GRIK2: variants seen among roughly 807,000 people sequenced by gnomAD.
The protein encoded by GRIK2 is glutamate receptor ionotropic, kainate 2.
GRIK2 carries 32 observed loss-of-function variants against 100.3 expected under a neutral mutation model. The observed-to-expected ratio is 0.32, with a 90% confidence interval of 0.24 to 0.43. The LOEUF is 0.43. Ranked by LOEUF, GRIK2 falls within the 20% of genes least tolerant of loss-of-function variation. The pLI is 1.00. For missense variants in GRIK2, 843 were observed against 1,114.9 expected (o/e 0.76, Z 3.47); for synonymous variants, 417 against 389.4 (o/e 1.07, Z -0.83).
At position 101,764,233 on chromosome 6, in the gene GRIK2, T is replaced by G. The variant is rs546416918; in HGVS notation, c.952-35415T>G. Among the ~76,000 whole-genome samples the G allele has an allele frequency of 4.6e-5, 7 of 152,222 alleles. No homozygotes were observed. The East Asian group carries it at 1.4e-3, about 29-fold the overall frequency. ...TCTCATAAATTTATGATTTCCAAAT[T>G]TATAACCCAGGTCCATACCTCTCCT... On this transcript the variant is annotated intron_variant, in intron 7 of 16. Transcript: ENST00000369134.
At chr6:101,670,902 T>A (rs895083492) in intron 4 of GRIK2, among the ~76,000 whole-genome samples, 1 of 152,142 alleles carries the variant, frequency 6.6e-6, no homozygotes, top group Non-Finnish European at 1.5e-5. Flanking sequence ...GAAAAATATA[T>A]CAAAGCTGAG....
At chr6:101,769,556 G>T (rs950504127) in intron 7 of GRIK2, among the ~76,000 whole-genome samples, 1 of 152,108 alleles carries the variant, frequency 6.6e-6, no homozygotes, top group Admixed American at 6.6e-5. Context: ...TGCTTTATAG[G>T]AGTCTCTTCT....
chr6:101,834,924 G>C (rs920169445), intron 10 of GRIK2, among the ~76,000 whole-genome samples: 2 of 152,102 alleles, frequency 1.3e-5, no homozygotes, highest in Non-Finnish European at 2.9e-5. Context: ...AGTACTACCT[G>C]AGCTTGGGAG....
chr6:102,049,502 A>G (rs1253835753), intron 15 of GRIK2, among the ~76,000 whole-genome samples: 1 of 152,202 alleles, frequency 6.6e-6, no homozygotes, highest in East Asian at 1.9e-4. Context: ...AAACATTAGA[A>G]ACAAGTTTTA....
At chr6:101,927,354 T>G (rs889732376) in intron 13 of GRIK2, 15 of 649,866 alleles carry the variant, frequency 2.3e-5, no homozygotes, top group Middle Eastern at 8.0e-4. Context: ...CGTCTTTGCT[T>G]CATTCCATTT....
chr6:101,685,131 G>T (rs1771584199), intron 6 of GRIK2, among the ~76,000 whole-genome samples: 1 of 152,096 alleles, frequency 6.6e-6, no homozygotes, highest in South Asian at 2.1e-4. Flanking sequence ...TCTTGCTTCT[G>T]ACTTCTTTTG....
chr6:101,656,286 A>G (rs1769162113), intron 4 of GRIK2, among the ~76,000 whole-genome samples: 1 of 150,844 alleles, frequency 6.6e-6, no homozygotes, highest in South Asian at 2.1e-4. Context: ...CTGGGTAACA[A>G]GAGAGAGACT....
intron 9 of GRIK2, among the ~76,000 whole-genome samples, chr6:101,804,141 G>C (rs1780838246): frequency 6.6e-6 from 1 of 151,810 alleles, no homozygotes; most frequent in African/African-American, 2.4e-5. Context: ...AATTAATCAA[G>C]AGTCATAGTC....
chr6:101,795,227 C>T (rs937432955), intron 7 of GRIK2, among the ~76,000 whole-genome samples: 17 of 152,186 alleles, frequency 1.1e-4, no homozygotes, highest in African/African-American at 3.9e-4. Flanking sequence ...ATGGATTTAT[C>T]TATGGTATTG....
chr6:101,889,591 C>A, intron 11 of GRIK2, 49 bp from the exon 12 acceptor site: 1 of 1,027,322 alleles, frequency 9.7e-7, no homozygotes, highest in South Asian at 1.5e-5. Context: ...AATTTTTTCT[C>A]TCTTTCTTTC....
chr6:101,831,771 T>G (rs532262518), intron 10 of GRIK2, among the ~76,000 whole-genome samples: 1 of 152,158 alleles, frequency 6.6e-6, no homozygotes, highest in Non-Finnish European at 1.5e-5. Flanking sequence ...GTATGAGTTA[T>G]TGATATGCAA....
chr6:101,761,818 TTTC>T (rs903111457), intron 7 of GRIK2, among the ~76,000 whole-genome samples: 19 of 135,834 alleles, frequency 1.4e-4, no homozygotes, highest in Non-Finnish European at 2.7e-4. Context: ...CCTTCCTTCT[TTTC>T]TTTTCTTCCT....
intron 16 of GRIK2, chr6:102,064,168 G>T: frequency 3.5e-6 from 2 of 570,410 alleles, no homozygotes; most frequent in South Asian, 4.5e-5. Context: ...CAGTGCGTGG[G>T]TTTCCACCCC....
intron 14 of GRIK2, among the ~76,000 whole-genome samples, chr6:102,007,618 T>G (rs998453689): frequency 6.6e-6 from 1 of 152,116 alleles, no homozygotes; most frequent in African/African-American, 2.4e-5. Flanking sequence ...AGAATTGAAT[T>G]GCATTGAAAC....
chr6:101,462,190 T>C lies in GRIK2; in HGVS notation c.115+62798T>C, dbSNP rs1047364013. Among the ~76,000 whole-genome samples the C allele has an allele frequency of 2.0e-5, 3 of 152,230 alleles. No individual in the cohort carries two copies. In the East Asian group the frequency reaches 5.8e-4, roughly 29 times the overall value. ...AACACTGTATAAGAGTTATATATGA[T>C]TATGGTAGAACTATACATTGCTACT... On this transcript the variant is annotated intron_variant, in intron 2 of 16. Transcript: ENST00000369134.
intron 2 of GRIK2, among the ~76,000 whole-genome samples, chr6:101,536,222 C>G (rs765400046): frequency 6.6e-6 from 1 of 151,726 alleles, no homozygotes; most frequent in Non-Finnish European, 1.5e-5. Context: ...ATTGCTTCAA[C>G]ATACTCTATT....
chr6:101,546,063 G>A (rs138554917), intron 2 of GRIK2, among the ~76,000 whole-genome samples: 10 of 151,866 alleles, frequency 6.6e-5, no homozygotes, highest in Admixed American at 5.9e-4. Flanking sequence ...TTACTTAAAT[G>A]TATTGCATGA....
At chr6:101,528,966 T>C (rs1466872548) in intron 2 of GRIK2, among the ~76,000 whole-genome samples, 1 of 150,394 alleles carries the variant, frequency 6.6e-6, no homozygotes, top group Non-Finnish European at 1.5e-5. Flanking sequence ...AGTGATCTTA[T>C]GGCTTAGCCT....
At chr6:102,039,070 A>G (rs1238016260) in intron 15 of GRIK2, among the ~76,000 whole-genome samples, 6 of 151,468 alleles carry the variant, frequency 4.0e-5, no homozygotes, top group East Asian at 2.0e-4. Context: ...CCAAATTCAT[A>G]TATTATCTTC....
Sources: gnomAD v4.1 joint callset for allele counts (sites outside exome capture counted in the v4.1 genomes callset) on GRCh38, gnomAD v4.1.1 for gene constraint, MANE v1.5 for transcripts, NCBI Gene and HGNC (gene_info 2026-07-23, HGNC 2026-07-21) for gene names.